Variants in SLC16A3 observed in about 807,000 individuals in gnomAD.
The protein encoded by SLC16A3 is solute carrier family 16 member 3.
A neutral mutation model predicts 25.0 loss-of-function variants in SLC16A3; 22 were observed. The ratio of observed to expected loss-of-function variants is 0.88; its 90% CI spans 0.63 to 1.26. The LOEUF (loss-of-function observed/expected upper bound fraction) is 1.26, where lower values mean the gene tolerates loss of function less well. SLC16A3 is among the 50% of genes most tolerant of loss of function. The pLI, the probability that SLC16A3 is intolerant of heterozygous loss-of-function variation, is 0.00. For missense variants in SLC16A3, 731 were observed against 666.6 expected (o/e 1.10, Z -1.06); for synonymous variants, 390 against 309.2 (o/e 1.26, Z -2.74).
At chr17:82,223,653 T>C (rs997016160), upstream of SLC16A3, among the ~76,000 whole-genome samples, 1 of 152,110 alleles carries the variant, frequency 6.6e-6, no homozygotes, top group Non-Finnish European at 1.5e-5. Context: ...GTTGGGATTA[T>C]GGGTGCATGC....
At chr17:82,227,301 T>C (rs190734782), upstream of SLC16A3, among the ~76,000 whole-genome samples, 379 of 152,004 alleles carry the variant, frequency 2.5e-3, 6 homozygotes, top group Non-Finnish European at 1.2e-3. Flanking sequence ...CCTCCCCCTG[T>C]TGCTGCTCTA....
chr17:82,239,940 C>G lies in SLC16A3; in HGVS notation c.*964C>G, dbSNP rs112707206. 2.5e-6 allele frequency: 3 copies of G among 1,187,860 alleles called. No individual in the cohort carries two copies. Among genetic ancestry groups the G allele is most frequent in the Admixed American group, 4.2e-5 (1 of 23,616 alleles). The allele number at this position is 1,187,860 out of a possible 1,614,324, so 73.6% of individuals were successfully genotyped here. On this transcript the variant is annotated 3_prime_UTR_variant, in exon 5 of 5. Transcript: ENST00000582743. ...TGCCCTCGTGGCCAGCAGTGGCCTG[C>G]GTGGCTGGGAGCCCGGTCAGAGGCC...
chr17:82,233,131 A>C (rs763028701), intron 1 of SLC16A3, among the ~76,000 whole-genome samples: 1 of 151,864 alleles, frequency 6.6e-6, no homozygotes, highest in Non-Finnish European at 1.5e-5. Context: ...CCTTCCCCGT[A>C]CTCTACCTCC....
chr17:82,223,867 T>G (rs1354018139), upstream of SLC16A3, among the ~76,000 whole-genome samples: 3 of 151,938 alleles, frequency 2.0e-5, no homozygotes, highest in Non-Finnish European at 2.9e-5. Context: ...CAGTTCTGTC[T>G]CCCAGTGACA....
upstream of SLC16A3, among the ~76,000 whole-genome samples, chr17:82,226,633 CTG>C (rs2050423485): frequency 6.6e-6 from 1 of 152,146 alleles, no homozygotes; most frequent in Non-Finnish European, 1.5e-5. Context: ...CCCTGGAGCC[CTG>C]TGTCAGATGG....
Position 82,238,727 on chromosome 17 carries a change from CTACATG to C in SLC16A3, c.1153_1158del (p.Met385_Tyr386del). On this transcript the variant is annotated inframe_deletion, in exon 5 of 5. Transcript: ENST00000582743. ...GCAAACTCCTGGATGCGACCCACGT[CTACATG>C]TACGTGTTCATCCTGGCGGGGGCCG... is the stretch of plus-strand genomic sequence containing the variant. The C allele has an allele frequency of 6.2e-7, 1 of 1,612,092 alleles. No individual in the cohort carries two copies. The highest frequency in any genetic ancestry group is 8.5e-7 in the Non-Finnish European group (1 of 1,179,698).
intron 1 of SLC16A3, chr17:82,232,124 T>TCCTCAGG (rs1283615921): frequency 6.6e-6 from 1 of 152,178 alleles, no homozygotes; most frequent in Non-Finnish European, 1.5e-5. Flanking sequence ...GCTTCCTTGG[T>TCCTCAGG]CCTCAGGCAG....
In SLC16A3 at chr17:82,235,983, G is replaced by A; in HGVS notation, c.-26G>A. On this transcript the variant is annotated splice_region_variant and 5_prime_UTR_variant, in exon 2 of 5. It adds an upstream start codon to the 5' untranslated region. Coordinates refer to ENST00000582743, the MANE Select transcript of SLC16A3 (RefSeq NM_004207.4). ...TGAGTCAGCCTGCTTTCTCTCTCAGGTGAGGCGGAACCAACCCTCCTGGCC... is the reference window on the plus strand; with the variant it reads ...TGAGTCAGCCTGCTTTCTCTCTCAGATGAGGCGGAACCAACCCTCCTGGCC... 1.3e-6 allele frequency: 2 copies of A among 1,592,286 alleles called. No individual in the cohort carries two copies. The highest frequency in any genetic ancestry group is 1.3e-5 in the African/African-American group (1 of 74,672).
chr17:82,236,030 G>T lies in SLC16A3; in HGVS notation c.22G>T (p.Glu8Ter). Residue 8 changes from glutamate to a stop codon, truncating the protein, a stop_gained, in exon 2 of 5, where the codon GAG (glutamate) becomes TAG (stop). Coordinates refer to ENST00000582743, the MANE Select transcript of SLC16A3 (RefSeq NM_004207.4). LOFTEE classifies it high-confidence loss of function. Reference sequence around the variant, plus strand: ...GGCCATGGGAGGGGCCGTGGTGGACGAGGGCCCCACAGGCGTCAAGGCCCC... The same window carrying T: ...GGCCATGGGAGGGGCCGTGGTGGACTAGGGCCCCACAGGCGTCAAGGCCCC... MGGAVVD[E>*]GPTGVKAPDG... The T allele has an allele frequency of 6.2e-7, 1 of 1,612,140 alleles. No individual in the cohort carries two copies. Among genetic ancestry groups the T allele is most frequent in the South Asian group, 1.1e-5 (1 of 91,068 alleles).
At chr17:82,223,973 C>T (rs1424697922), upstream of SLC16A3, among the ~76,000 whole-genome samples, 1 of 151,458 alleles carries the variant, frequency 6.6e-6, no homozygotes, top group Non-Finnish European at 1.5e-5. Flanking sequence ...CACCTGTGCA[C>T]AGACACCCCT....
Position 82,236,028 on chromosome 17 carries a change from A to ACGAGGGCCCCACAGGCGT in SLC16A3, c.22_39dup (p.Glu8_Val13dup), listed in dbSNP as rs753252749. 6.2e-7 allele frequency: 1 copy of ACGAGGGCCCCACAGGCGT among 1,612,042 alleles called. No individual in the cohort carries two copies. The highest frequency in any genetic ancestry group is 8.5e-7 in the Non-Finnish European group (1 of 1,179,678). ...CTGGCCATGGGAGGGGCCGTGGTGG[A>ACGAGGGCCCCACAGGCGT]CGAGGGCCCCACAGGCGTCAAGGCC... is the stretch of plus-strand genomic sequence containing the variant. On this transcript the variant is annotated inframe_insertion, in exon 2 of 5. Transcript: ENST00000582743.
chr17:82,228,906 G>A (rs543988271), upstream of SLC16A3: 222 of 150,220 alleles, frequency 1.5e-3, 1 homozygote, highest in African/African-American at 4.8e-3. Context: ...GGGGAGCTGC[G>A]GCCCGGGAGC....
upstream of SLC16A3, among the ~76,000 whole-genome samples, chr17:82,226,006 G>A (rs1221071956): frequency 1.3e-5 from 2 of 151,702 alleles, no homozygotes; most frequent in Non-Finnish European, 2.9e-5. Context: ...CTTCCTGCCC[G>A]CCCCCCTCCC....
intron 1 of SLC16A3, among the ~76,000 whole-genome samples, chr17:82,219,976 A>ACG (rs2050379278): frequency 6.6e-6 from 1 of 151,916 alleles, no homozygotes. Flanking sequence ...AGGCGAAAAA[A>ACG]CGCACTCCAG....
chr17:82,232,526 C>T (rs547803941), intron 1 of SLC16A3, among the ~76,000 whole-genome samples: 5 of 152,328 alleles, frequency 3.3e-5, no homozygotes, highest in African/African-American at 9.6e-5. Flanking sequence ...CTCTGCAGGA[C>T]GGCATTTCGA....
In SLC16A3 at chr17:82,236,773, G is replaced by A. The variant is rs754856286; in HGVS notation, c.268G>A (p.Val90Ile). The A allele has an allele frequency of 1.2e-5, 19 of 1,608,722 alleles. No individual in the cohort carries two copies. The highest frequency in any genetic ancestry group is 5.3e-5 in the African/African-American group (4 of 74,936). ...CGTGAACCGCTTTGGCTGCCGGCCC[G>A]TCATGCTTGTGGGGGGTCTCTTTGC... The part of the protein sequence containing the change: ...VCVNRFGCRP[V>I]MLVGGLFASL... The change falls in exon 3 of 5, where the codon GTC becomes ATC. Residue 90 changes from valine to isoleucine, a missense_variant. Val to Ile is a conservative substitution (Grantham distance 29). Coordinates refer to ENST00000582743, the MANE Select transcript of SLC16A3 (RefSeq NM_004207.4).
chr17:82,225,345 T>C (rs570908407), upstream of SLC16A3, among the ~76,000 whole-genome samples: 20 of 152,324 alleles, frequency 1.3e-4, no homozygotes, highest in South Asian at 3.9e-3. Flanking sequence ...ATTTGGGCCA[T>C]GGTCCTGGTC....
At chr17:82,232,024 G>C (rs1439445182) in intron 1 of SLC16A3, 1 of 152,246 alleles carries the variant, frequency 6.6e-6, no homozygotes, top group Non-Finnish European at 1.5e-5. Context: ...GGCTGCGGGG[G>C]AAGAAGGGAA....
intron 2 of SLC16A3, chr17:82,236,503 A>G: frequency 1.6e-6 from 1 of 641,226 alleles, no homozygotes; most frequent in East Asian, 2.7e-5. Context: ...CCGTTCCTGA[A>G]AAGGTGGCTG....
Sources: gnomAD v4.1 joint callset for allele counts (sites outside exome capture counted in the v4.1 genomes callset) on GRCh38, gnomAD v4.1.1 for gene constraint, MANE v1.5 for transcripts, NCBI Gene and HGNC (gene_info 2026-07-23, HGNC 2026-07-21) for gene names.